UGT1A9: variants seen among roughly 807,000 people sequenced by gnomAD.
The protein encoded by UGT1A9 is UDP-glucuronosyltransferase 1A9.
UGT1A9 carries 35 observed loss-of-function variants against 45.0 expected under a neutral mutation model. The observed-to-expected ratio is 0.78, with a 90% CI of 0.59 to 1.03. The LOEUF (loss-of-function observed/expected upper bound fraction) is 1.03. UGT1A9 is among the 50% of genes least tolerant of loss of function. The pLI, the probability that UGT1A9 is intolerant of heterozygous loss-of-function variation, is 0.00. For missense variants in UGT1A9, 687 were observed against 666.6 expected (o/e 1.03, Z -0.34); for synonymous variants, 278 against 250.6 (o/e 1.11, Z -1.03).
chr2:233,750,987 C>A (rs140441181), intron 1 of UGT1A9, among the ~76,000 whole-genome samples: 5 of 151,730 alleles, frequency 3.3e-5, no homozygotes, highest in African/African-American at 1.2e-4. Context: ...TGTGAGAAGG[C>A]GGCCACCATC....
intron 1 of UGT1A9, among the ~76,000 whole-genome samples, chr2:233,716,262 C>T (rs2076494845): frequency 6.6e-6 from 1 of 152,162 alleles, no homozygotes; most frequent in Admixed American, 6.5e-5. Flanking sequence ...GCATAATCTC[C>T]CCATGTCAAA....
chr2:233,743,698 C>T (rs368889261), intron 1 of UGT1A9: 29 of 1,367,192 alleles, frequency 2.1e-5, no homozygotes, highest in Middle Eastern at 2.1e-4. Context: ...AGCCGCCCTC[C>T]GCCCCCGCCT....
At chr2:233,713,872 C>T in intron 1 of UGT1A9, 1 of 1,613,754 alleles carries the variant, frequency 6.2e-7, no homozygotes, top group Non-Finnish European at 8.5e-7. Context: ...TGTATTGGTG[C>T]CTTTATCCAA....
At chr2:233,724,657 C>A (rs536267654) in intron 1 of UGT1A9, among the ~76,000 whole-genome samples, 1 of 142,620 alleles carries the variant, frequency 7.0e-6, no homozygotes, top group Non-Finnish European at 1.5e-5. Flanking sequence ...TGGGAAGAGG[C>A]GCTCCTCACT....
intron 1 of UGT1A9, among the ~76,000 whole-genome samples, chr2:233,674,379 C>A (rs2125505590): frequency 6.6e-6 from 1 of 152,272 alleles, no homozygotes; most frequent in East Asian, 1.9e-4. Context: ...CTTTTCTCCC[C>A]TTTACCCTCC....
Position 233,697,502 on chromosome 2 carries a change from CT to C in UGT1A9, c.855+24726del, listed in dbSNP as rs1212901051. Among the ~76,000 whole-genome samples the C allele has an allele frequency of 6.5e-3, 919 of 142,258 alleles. 11 individuals are homozygous for C. The highest frequency in any genetic ancestry group is 0.021 in the African/African-American group (802 of 39,098). The allele number at this position is 142,258 out of a possible 152,430, so 93.3% of individuals were successfully genotyped here. On this transcript the variant is annotated intron_variant, in intron 1 of 4. Transcript: ENST00000354728. ...CTCAAGGTTTGCCAATTTTGTTTAT[CT>C]TTTTTTTTTTTTAAAAAACTTTTTG...
intron 1 of UGT1A9, chr2:233,692,726 C>A: frequency 1.1e-6 from 1 of 900,732 alleles, no homozygotes; most frequent in Non-Finnish European, 1.5e-6. Flanking sequence ...GTTGCTATAA[C>A]TTTTCAGAGA....
At chr2:233,693,300 T>G in intron 1 of UGT1A9, 1 of 1,614,182 alleles carries the variant, frequency 6.2e-7, no homozygotes, top group East Asian at 2.2e-5. Flanking sequence ...AACAATCACT[T>G]TGCTGAGCGA....
rs116377065 is a variant in UGT1A9, at chr2:233,702,706, G to A, written c.855+29917G>A. On this transcript the variant is annotated intron_variant, in intron 1 of 4. Transcript: ENST00000354728. ...TTTGGTTTTGTCAAATGCTTTTTCT[G>A]TGTCTATTGAAATGAACATGGTTTT... Among the ~76,000 whole-genome samples, 823 of 152,190 alleles carry A rather than the reference G, an allele frequency of 5.4e-3. 6 individuals carry two copies. Among genetic ancestry groups the A allele is most frequent in the African/African-American group, 0.019 (783 of 41,530 alleles).
At chr2:233,740,478 C>T (rs1295883834) in intron 1 of UGT1A9, among the ~76,000 whole-genome samples, 1 of 151,898 alleles carries the variant, frequency 6.6e-6, no homozygotes, top group African/African-American at 2.4e-5. Flanking sequence ...AAGGATCATT[C>T]CCTCTTCCAG....
intron 1 of UGT1A9, among the ~76,000 whole-genome samples, chr2:233,719,880 G>C (rs28898611): frequency 0.021 from 3,198 of 152,256 alleles, 101 homozygotes; most frequent in African/African-American, 0.073. Context: ...GAAGAGGCAC[G>C]GATGAGGGTC....
chr2:233,683,521 TG>T, intron 1 of UGT1A9, among the ~76,000 whole-genome samples: 1 of 152,314 alleles, frequency 6.6e-6, no homozygotes, highest in Non-Finnish European at 1.5e-5. Flanking sequence ...TGAGTATGGT[TG>T]CTTGGTTTTC....
chr2:233,758,140 G>T (rs572849917), intron 1 of UGT1A9, among the ~76,000 whole-genome samples: 1 of 152,274 alleles, frequency 6.6e-6, no homozygotes, highest in East Asian at 1.9e-4. Context: ...GGCAGATGAG[G>T]GAATTAGCAA....
intron 1 of UGT1A9, among the ~76,000 whole-genome samples, chr2:233,680,543 C>T (rs184094797): frequency 1.3e-5 from 2 of 152,100 alleles, no homozygotes; most frequent in Admixed American, 1.3e-4. Flanking sequence ...GAATCCCTCA[C>T]GAAATGCTCC....
intron 1 of UGT1A9, among the ~76,000 whole-genome samples, chr2:233,684,051 T>C (rs2074661509): frequency 6.6e-6 from 1 of 152,208 alleles, no homozygotes; most frequent in South Asian, 2.1e-4. Context: ...GTGAAACACC[T>C]GGTGTCTGAT....
At chr2:233,730,055 T>G in intron 1 of UGT1A9, 1 of 1,611,964 alleles carries the variant, frequency 6.2e-7, no homozygotes, top group Non-Finnish European at 8.5e-7. Context: ...AAAAAATGTA[T>G]TTATTTAAAA....
chr2:233,712,339 T>C (rs545397552), intron 1 of UGT1A9, among the ~76,000 whole-genome samples: 1 of 152,174 alleles, frequency 6.6e-6, no homozygotes, highest in African/African-American at 2.4e-5. Context: ...AATCTGATCA[T>C]CACATCTTGA....
At chr2:233,742,468 T>C (rs1293032566) in intron 1 of UGT1A9, among the ~76,000 whole-genome samples, 1 of 151,930 alleles carries the variant, frequency 6.6e-6, no homozygotes, top group East Asian at 1.9e-4. Flanking sequence ...CTTATTCCAG[T>C]AAACTCACAA....
rs570830637 is a variant in UGT1A9 at position 233,672,193 on chromosome 2, G to C, written c.259G>C (p.Asp87His). 3 of 1,614,186 alleles carry C rather than the reference G, an allele frequency of 1.9e-6. No individual in the cohort carries two copies. In the South Asian group the frequency reaches 3.3e-5, roughly 18 times the overall value. The change falls in exon 1 of 5, where the codon GAC becomes CAC. Residue 87 changes from aspartate (D) to histidine (H), a missense_variant. Asp to His is a moderately conservative substitution (Grantham distance 81). Transcript: ENST00000354728. ...YSTSYTLEDL[D>H]REFKAFAHAQ... ...AACTTCATATACCCTGGAGGATCTGGACCGGGAGTTCAAGGCTTTTGCCCA... is the reference window on the plus strand; with the variant it reads ...AACTTCATATACCCTGGAGGATCTGCACCGGGAGTTCAAGGCTTTTGCCCA...
Sources: gnomAD v4.1 joint callset for allele counts (sites outside exome capture counted in the v4.1 genomes callset) on GRCh38, gnomAD v4.1.1 for gene constraint, MANE v1.5 for transcripts, NCBI Gene and HGNC (gene_info 2026-07-23, HGNC 2026-07-21) for gene names.